Variants in ITPKB observed in about 807,000 individuals in gnomAD.
ITPKB encodes inositol-trisphosphate 3-kinase B.
ITPKB carries 13 observed loss-of-function variants against 69.4 expected under a neutral mutation model. The observed-to-expected ratio is 0.19, with a 90% CI of 0.12 to 0.30. ITPKB has a LOEUF of 0.30. Among genes scored for constraint, ITPKB ranks in the 10% least tolerant of loss-of-function variants. The probability of loss-of-function intolerance (pLI) is 1.00; values close to 1 mark genes in which losing one functional copy is unlikely to be tolerated. For missense variants in ITPKB, 1,240 were observed against 1,250.5 expected (o/e 0.99, Z 0.13); for synonymous variants, 584 against 513.7 (o/e 1.14, Z -1.85).
chr1:226,636,297 G>T (rs1668835746), intron 7 of ITPKB, among the ~76,000 whole-genome samples: 1 of 152,222 alleles, frequency 6.6e-6, no homozygotes, highest in Admixed American at 6.5e-5. Flanking sequence ...CACAGGAGGA[G>T]CTGAGGGTCT....
chr1:226,647,080 C>T (rs1669077263), intron 4 of ITPKB, 87 bp downstream of exon 4: 4 of 1,244,714 alleles, frequency 3.2e-6, no homozygotes, highest in Admixed American at 3.6e-5. Context: ...CCTGTGAGGC[C>T]TCCGGGAAGC....
chr1:226,661,181 G>T (rs1351809850), intron 2 of ITPKB, among the ~76,000 whole-genome samples: 1 of 152,224 alleles, frequency 6.6e-6, no homozygotes, highest in Non-Finnish European at 1.5e-5. Context: ...TCCTGGTCTG[G>T]GGAGCTAGAG....
intron 2 of ITPKB, among the ~76,000 whole-genome samples, chr1:226,650,555 A>C (rs1669167942): frequency 6.6e-6 from 1 of 152,268 alleles, no homozygotes; most frequent in Non-Finnish European, 1.5e-5. Context: ...GAAAAACCTC[A>C]TTACACAAGA....
intron 2 of ITPKB, among the ~76,000 whole-genome samples, chr1:226,651,423 G>T (rs903899472): frequency 6.6e-6 from 1 of 152,218 alleles, no homozygotes; most frequent in Non-Finnish European, 1.5e-5. Context: ...AGATAAAGCT[G>T]TCAGGAGATG....
chr1:226,648,900 G>C (rs1395411313), intron 2 of ITPKB, 129 bp from the exon 3 acceptor site: 1 of 694,438 alleles, frequency 1.4e-6, no homozygotes, highest in African/African-American at 1.8e-5. Flanking sequence ...CGGGCTCTGA[G>C]GACCTTGCCA....
chr1:226,737,575 C>A lies in ITPKB; in HGVS notation c.-117G>T. 1 of 1,206,750 alleles carries A rather than the reference C, an allele frequency of 8.3e-7. No individual in the cohort carries two copies. Among genetic ancestry groups the A allele is most frequent in the African/African-American group, 1.6e-5 (1 of 62,834 alleles). 74.8% of individuals were successfully genotyped at this position (1,206,750 alleles called of 1,614,324 possible). A position where few individuals can be genotyped will look rare whatever the true frequency, so the allele number is the denominator to read the frequency against. The stretch of plus-strand genomic sequence containing the variant: ...GAGGCCCGGCAGCCGCGGCTCCGCG[C>A]GCAGATGGGGCGGCATGGCCTGGGC... On this transcript the variant is annotated 5_prime_UTR_variant, in exon 2 of 8. Coordinates refer to ENST00000429204, the MANE Select transcript of ITPKB (RefSeq NM_002221.4).
At chr1:226,676,910 A>C (rs1255717666) in intron 2 of ITPKB, among the ~76,000 whole-genome samples, 1 of 152,228 alleles carries the variant, frequency 6.6e-6, no homozygotes, top group African/African-American at 2.4e-5. Flanking sequence ...TCTAAAAAGA[A>C]CTGGAAGGAC....
intron 2 of ITPKB, among the ~76,000 whole-genome samples, chr1:226,732,128 G>C (rs1657606985): frequency 2.7e-5 from 4 of 146,578 alleles, no homozygotes; most frequent in Admixed American, 2.7e-4. Context: ...AAAAGCGAAG[G>C]AAACAAAATT....
chr1:226,654,885 G>A (rs1318553768), intron 2 of ITPKB, among the ~76,000 whole-genome samples: 1 of 152,138 alleles, frequency 6.6e-6, no homozygotes, highest in Admixed American at 6.5e-5. Context: ...AGGACTGCTG[G>A]GGACAGGGGA....
intron 2 of ITPKB, among the ~76,000 whole-genome samples, chr1:226,732,166 C>T (rs192555264): frequency 2.3e-3 from 342 of 150,214 alleles, no homozygotes; most frequent in African/African-American, 8.0e-3. Context: ...ACAGTAAGCA[C>T]CATGAAGCCA....
chr1:226,692,159 A>C (rs1354524076), intron 2 of ITPKB, among the ~76,000 whole-genome samples: 1 of 152,240 alleles, frequency 6.6e-6, no homozygotes, highest in African/African-American at 2.4e-5. Flanking sequence ...AATATGTCCA[A>C]GGAGCAGAGC....
intron 2 of ITPKB, among the ~76,000 whole-genome samples, chr1:226,654,716 C>A (rs759745282): frequency 6.6e-6 from 1 of 152,192 alleles, no homozygotes; most frequent in Non-Finnish European, 1.5e-5. Flanking sequence ...CCCAACCCTC[C>A]CGTGATGCTA....
At chr1:226,731,838 A>T (rs1657596831) in intron 2 of ITPKB, among the ~76,000 whole-genome samples, 1 of 152,154 alleles carries the variant, frequency 6.6e-6, no homozygotes, top group African/African-American at 2.4e-5. Context: ...CAGCATATGC[A>T]ACCTGAGCTC....
At chr1:226,663,228 GCTTA>G in intron 2 of ITPKB, among the ~76,000 whole-genome samples, 1 of 152,296 alleles carries the variant, frequency 6.6e-6, no homozygotes, top group South Asian at 2.1e-4. Flanking sequence ...GGCAGTGGGT[GCTTA>G]CTTAGCACTT....
chr1:226,734,677 C>T (rs995003009), intron 2 of ITPKB, among the ~76,000 whole-genome samples: 8 of 152,156 alleles, frequency 5.3e-5, no homozygotes, highest in Non-Finnish European at 1.2e-4. Flanking sequence ...CCTACAAGTT[C>T]GATTAACCAT....
intron 2 of ITPKB, among the ~76,000 whole-genome samples, chr1:226,672,651 A>G (rs1669639148): frequency 6.6e-6 from 1 of 152,204 alleles, no homozygotes; most frequent in African/African-American, 2.4e-5. Context: ...ATCCCTGCTG[A>G]AAGAATTGCC....
intron 2 of ITPKB, among the ~76,000 whole-genome samples, chr1:226,657,571 A>C (rs928710094): frequency 6.6e-6 from 1 of 152,242 alleles, no homozygotes; most frequent in African/African-American, 2.4e-5. Context: ...TAACACTCCG[A>C]AAACGGTATT....
intron 2 of ITPKB, among the ~76,000 whole-genome samples, chr1:226,662,731 G>A (rs560521607): frequency 2.0e-5 from 3 of 152,272 alleles, no homozygotes; most frequent in East Asian, 3.9e-4. Flanking sequence ...ACCACATGAC[G>A]GCTTATAAGC....
Position 226,736,805 on chromosome 1 carries a change from C to G in ITPKB, c.654G>C (p.Gly218=), listed in dbSNP as rs746429966. 6.2e-7 allele frequency: 1 copy of G among 1,613,040 alleles called. No individual in the cohort carries two copies. Among genetic ancestry groups the G allele is most frequent in the Non-Finnish European group, 8.5e-7 (1 of 1,180,026 alleles). Residue 218 remains glycine (G), a synonymous_variant, in exon 2 of 8, where the codon GGG becomes GGC. Transcript: ENST00000429204. ...QCPETSGTDS[G]RKGGPSLCSS... ...AGCATAGGCTGGGCCCTCCTTTCCT[C>G]CCGGAGTCGGTTCCTGAAGTCTCTG...
Sources: gnomAD v4.1 joint callset for allele counts (sites outside exome capture counted in the v4.1 genomes callset) on GRCh38, gnomAD v4.1.1 for gene constraint, MANE v1.5 for transcripts, NCBI Gene and HGNC (gene_info 2026-07-23, HGNC 2026-07-21) for gene names.